PCDH9: variants seen among roughly 807,000 people sequenced by gnomAD.
PCDH9 encodes protocadherin-9.
PCDH9 carries 24 observed loss-of-function variants against 70.6 expected under a neutral mutation model. The observed-to-expected ratio is 0.34, with a 90% CI of 0.25 to 0.48. The LOEUF (loss-of-function observed/expected upper bound fraction) is 0.48, where lower values mean the gene tolerates loss of function less well. Ranked by LOEUF, PCDH9 falls within the 20% of genes least tolerant of loss-of-function variation. The probability of loss-of-function intolerance (pLI) is 0.99; values close to 1 mark genes in which losing one functional copy is unlikely to be tolerated. For synonymous variants in PCDH9, 562 were observed against 558.5 expected (o/e 1.01, Z -0.09); for missense variants, 1,281 against 1,503.6 (o/e 0.85, Z 2.45).
intron 2 of PCDH9, among the ~76,000 whole-genome samples, chr13:67,113,528 C>G (rs2086697417): frequency 6.6e-6 from 1 of 151,934 alleles, no homozygotes; most frequent in Non-Finnish European, 1.5e-5. Flanking sequence ...AAACAACTTA[C>G]ATTAGTTTAT....
intron 2 of PCDH9, among the ~76,000 whole-genome samples, chr13:67,111,075 T>TA (rs1206570754): frequency 1.3e-5 from 2 of 152,226 alleles, no homozygotes; most frequent in African/African-American, 4.8e-5. Context: ...CCTCTTTCCT[T>TA]ACATGGCATG....
chr13:66,374,256 A>G (rs1312431165), intron 4 of PCDH9, among the ~76,000 whole-genome samples: 1 of 152,022 alleles, frequency 6.6e-6, no homozygotes, highest in Non-Finnish European at 1.5e-5. Context: ...GCTGCATGCT[A>G]TTATTAAGTG....
chr13:67,226,100 C>A lies in PCDH9; in HGVS notation c.2341G>T (p.Ala781Ser). 1.2e-6 allele frequency: 2 copies of A among 1,614,098 alleles called. No individual in the cohort carries two copies. Among genetic ancestry groups the A allele is most frequent in the South Asian group, 2.2e-5 (2 of 91,076 alleles). Residue 781 changes from alanine to serine, a missense_variant, in exon 2 of 5, where the codon GCC becomes TCC. Around this residue, in one of 4 missense-constraint regions of PCDH9, gnomAD observed 798 missense variants for 1,003.1 expected, o/e 0.80. Transcript: ENST00000377865. The surrounding 1 kb of genome is among the most constrained non-coding windows in gnomAD (Gnocchi z 5.0). ...FLYVNDTAGN[A>S]SYIYDLIRRT... ...CGGATCAAGTCATAGATATAGGAGG[C>A]ATTTCCAGCAGTGTCGTTAACATAA...
chr13:66,348,429 A>G (rs1400680356), intron 4 of PCDH9, among the ~76,000 whole-genome samples: 1 of 151,340 alleles, frequency 6.6e-6, no homozygotes, highest in Non-Finnish European at 1.5e-5. Flanking sequence ...ACAGAGTCTC[A>G]GCCTGTCACC....
chr13:66,868,709 G>A (rs2081618217), intron 3 of PCDH9, among the ~76,000 whole-genome samples: 1 of 152,098 alleles, frequency 6.6e-6, no homozygotes, highest in South Asian at 2.1e-4. Context: ...ATGATTAAGA[G>A]ACATATGACA....
chr13:66,878,026 A>G (rs1429004465), intron 3 of PCDH9, among the ~76,000 whole-genome samples: 1 of 152,134 alleles, frequency 6.6e-6, no homozygotes, highest in Non-Finnish European at 1.5e-5. Flanking sequence ...CCAGTCTTCA[A>G]TCTAAGAGAT....
At chr13:66,980,871 A>G (rs1273418403) in intron 2 of PCDH9, among the ~76,000 whole-genome samples, 1 of 151,670 alleles carries the variant, frequency 6.6e-6, no homozygotes, top group Non-Finnish European at 1.5e-5. Flanking sequence ...CATTAGTGTG[A>G]ACGTTTGTAT....
chr13:66,501,681 A>G (rs59465455), intron 4 of PCDH9, among the ~76,000 whole-genome samples: 3,764 of 152,180 alleles, frequency 0.025, 167 homozygotes, highest in African/African-American at 0.087. Flanking sequence ...AAAAATTAAG[A>G]TAATGAGATA....
At chr13:66,520,608 T>C (rs1959946743) in intron 4 of PCDH9, among the ~76,000 whole-genome samples, 1 of 152,206 alleles carries the variant, frequency 6.6e-6, no homozygotes, top group African/African-American at 2.4e-5. Context: ...ATTTAGCTGA[T>C]CCTTTCCAAT....
At position 66,613,080 on chromosome 13, in the gene PCDH9, C is replaced by A. The variant is rs567073249; in HGVS notation, c.3340+18130G>T. On this transcript the variant is annotated intron_variant, in intron 4 of 4. Transcript: ENST00000377865. ...GAGGGTGGGGGAAACCATGCCTCCACCCCAGTCGCTCCTGGGCCTTTTCAT... is the reference window on the plus strand; with the variant it reads ...GAGGGTGGGGGAAACCATGCCTCCAACCCAGTCGCTCCTGGGCCTTTTCAT... 3.3e-5 allele frequency among the ~76,000 whole-genome samples: 5 copies of A among 152,262 alleles called. No individual in the cohort carries two copies. In the South Asian group the frequency reaches 1.0e-3, roughly 32 times the overall value.
intron 2 of PCDH9, among the ~76,000 whole-genome samples, chr13:66,956,291 C>G (rs2083264245): frequency 6.6e-6 from 1 of 152,134 alleles, no homozygotes; most frequent in Non-Finnish European, 1.5e-5. Flanking sequence ...TCAAAAAATA[C>G]TGTTTCTCAA....
chr13:67,157,035 AT>A (rs1418009136), intron 2 of PCDH9, among the ~76,000 whole-genome samples: 6 of 152,194 alleles, frequency 3.9e-5, no homozygotes, highest in African/African-American at 1.4e-4. Context: ...GTATTATAAT[AT>A]TTTATCTCTT....
chr13:66,962,628 C>T (rs2083366944), intron 2 of PCDH9, among the ~76,000 whole-genome samples: 1 of 152,164 alleles, frequency 6.6e-6, no homozygotes, highest in Non-Finnish European at 1.5e-5. Context: ...TGTATCTAAA[C>T]ATATCTAAAT....
At chr13:66,352,840 CTG>C (rs1171693803) in intron 4 of PCDH9, among the ~76,000 whole-genome samples, 1 of 152,150 alleles carries the variant, frequency 6.6e-6, no homozygotes, top group Non-Finnish European at 1.5e-5. Flanking sequence ...CAAAATAAAA[CTG>C]TTAGTTGACA....
intron 3 of PCDH9, among the ~76,000 whole-genome samples, chr13:66,755,578 A>T (rs2079527438): frequency 6.6e-6 from 1 of 152,138 alleles, no homozygotes; most frequent in African/African-American, 2.4e-5. Flanking sequence ...TCTCTTACTT[A>T]GCTTTCTTTA....
chr13:66,545,862 C>T (rs530107621), intron 4 of PCDH9, among the ~76,000 whole-genome samples: 193 of 143,846 alleles, frequency 1.3e-3, no homozygotes, highest in Admixed American at 4.5e-3. Context: ...TATTTTGAGA[C>T]GGAGTCTCAC....
At chr13:67,099,169 T>C (rs2086382163) in intron 2 of PCDH9, among the ~76,000 whole-genome samples, 1 of 152,234 alleles carries the variant, frequency 6.6e-6, no homozygotes, top group Admixed American at 6.5e-5. Flanking sequence ...GCATTGCTGT[T>C]AGTCAGACTT....
chr13:66,745,779 T>A (rs1399083997), intron 3 of PCDH9, among the ~76,000 whole-genome samples: 1 of 152,176 alleles, frequency 6.6e-6, no homozygotes, highest in East Asian at 1.9e-4. Context: ...AAGAGTAATT[T>A]GTTGTGCACA....
chr13:66,520,282 C>T (rs184848201), intron 4 of PCDH9, among the ~76,000 whole-genome samples: 36 of 151,994 alleles, frequency 2.4e-4, no homozygotes, highest in Non-Finnish European at 4.6e-4. Flanking sequence ...ATTTTTTTTC[C>T]GCTATTTCAT....
Sources: allele counts gnomAD v4.1 joint callset (sites outside exome capture counted in the v4.1 genomes callset), GRCh38; gene constraint gnomAD v4.1.1; regional missense constraint gnomAD v4.1.1; non-coding constraint Gnocchi (gnomAD v3.1); transcripts MANE v1.5; gene names NCBI Gene and HGNC (gene_info 2026-07-23, HGNC 2026-07-21).